ZNF283: variants seen among roughly 807,000 people sequenced by gnomAD.
The protein encoded by ZNF283 is zinc finger protein 283, also known as zinc finger protein 41.
Under a neutral mutation model 9.2 loss-of-function variants are expected in ZNF283, and 10 were observed. The observed-to-expected ratio is 1.09, with a 90% CI of 0.67 to 1.85. The LOEUF is 1.85. ZNF283 is among the 40% of genes most tolerant of loss of function. The pLI is 0.00. For synonymous variants in ZNF283, 234 were observed against 244.1 expected, an observed-to-expected ratio of 0.96 and a Z score of 0.38; for missense variants, 631 against 760.1, an observed-to-expected ratio of 0.83 and a Z score of 2.00.
chr19:43,836,560 C>G (rs1259677255), intron 5 of ZNF283, among the ~76,000 whole-genome samples: 1 of 152,162 alleles, frequency 6.6e-6, no homozygotes, highest in African/African-American at 2.4e-5. Flanking sequence ...AGGCTGGTCT[C>G]GAACTCCTGA....
Position 43,847,339 on chromosome 19 carries a change from T to A in ZNF283, c.738T>A (p.Ser246Arg), listed in dbSNP as rs371160256. Residue 246 changes from serine to arginine, a missense_variant, in exon 7 of 7, where the codon AGT (serine) becomes AGA (arginine). Coordinates refer to ENST00000618787, the MANE Select transcript of ZNF283 (RefSeq NM_181845.2). The part of the protein sequence containing the change: ...ECKECGKNYL[S>R]AYQLNVHQRF... ...AAGAATGTGGGAAGAATTATTTAAGTGCCTATCAACTCAATGTGCATCAGA... is the reference window on the plus strand; with the variant it reads ...AAGAATGTGGGAAGAATTATTTAAGAGCCTATCAACTCAATGTGCATCAGA... 1 of 1,613,752 alleles carries A rather than the reference T, an allele frequency of 6.2e-7. No homozygotes were observed. Among genetic ancestry groups the A allele is most frequent in the Non-Finnish European group, 8.5e-7 (1 of 1,179,934 alleles).
At chr19:43,837,965 G>A (rs910722327) in intron 6 of ZNF283, 5 of 152,338 alleles carry the variant, frequency 3.3e-5, no homozygotes, top group African/African-American at 1.2e-4. Context: ...GTTCTTGTTT[G>A]TGGAATTTGG....
intron 2 of ZNF283, among the ~76,000 whole-genome samples, chr19:43,829,107 C>T (rs1040567931): frequency 1.3e-5 from 2 of 152,142 alleles, no homozygotes; most frequent in Admixed American, 6.5e-5. Flanking sequence ...GCCCTGGGGT[C>T]GGGCACAGTG....
At chr19:43,846,556 G>A (rs1971407390) in intron 6 of ZNF283, among the ~76,000 whole-genome samples, 1 of 152,104 alleles carries the variant, frequency 6.6e-6, no homozygotes, top group Non-Finnish European at 1.5e-5. Flanking sequence ...AGACAAAAGA[G>A]TTGTTAGACA....
Position 43,848,290 on chromosome 19 carries a change from A to C in ZNF283, c.1689A>C (p.Lys563Asn). Reference sequence around the variant, plus strand: ...GCTATCACCTTACTCAACATCAGAAAATTCATACCGGTGAGAAACCTTTCA... The same window carrying C: ...GCTATCACCTTACTCAACATCAGAACATTCATACCGGTGAGAAACCTTTCA... ...SRGYHLTQHQ[K>N]IHTGEKPFKC... The change falls in exon 7 of 7, where the codon AAA becomes AAC. Residue 563 changes from lysine (K) to asparagine (N), a missense_variant. Lys to Asn is a moderately conservative substitution (Grantham distance 94, BLOSUM62 0). Transcript: ENST00000618787. 6.2e-7 allele frequency: 1 copy of C among 1,613,112 alleles called. No homozygotes were observed. Among genetic ancestry groups the C allele is most frequent in the Non-Finnish European group, 8.5e-7 (1 of 1,179,742 alleles).
At chr19:43,839,945 C>T (rs777499204) in intron 6 of ZNF283, among the ~76,000 whole-genome samples, 48 of 152,014 alleles carry the variant, frequency 3.2e-4, no homozygotes, top group South Asian at 1.5e-3. Flanking sequence ...TTCCTTTGAA[C>T]GGGCCCCATA....
rs1007407744 is a variant in ZNF283 at position 43,851,183 on chromosome 19, T to G, written c.*2542T>G. Reference sequence around the variant, plus strand: ...ACAGGATATATTATTGGTAACTGGCTATTATGCCACTCCCTCTGGGTGCCA... The same window carrying G: ...ACAGGATATATTATTGGTAACTGGCGATTATGCCACTCCCTCTGGGTGCCA... On this transcript the variant is annotated 3_prime_UTR_variant, in exon 7 of 7. Transcript: ENST00000618787. 5 of 152,172 alleles carry G rather than the reference T, an allele frequency of 3.3e-5. No individual in the cohort carries two copies. The highest frequency in any genetic ancestry group is 7.4e-5 in the Non-Finnish European group (5 of 68,026). The allele number at this position is 152,172 out of a possible 1,614,324, so 9.4% of individuals were successfully genotyped here.
chr19:43,838,997 T>C (rs1246526844), intron 6 of ZNF283, among the ~76,000 whole-genome samples: 1 of 152,248 alleles, frequency 6.6e-6, no homozygotes, highest in Non-Finnish European at 1.5e-5. Context: ...ACAATAATAC[T>C]AACTTTTATA....
At chr19:43,843,192 T>G (rs1232573097) in intron 6 of ZNF283, among the ~76,000 whole-genome samples, 1 of 152,104 alleles carries the variant, frequency 6.6e-6, no homozygotes, top group Non-Finnish European at 1.5e-5. Flanking sequence ...AATACAAAAA[T>G]TAGCTGAGCA....
At position 43,847,183 on chromosome 19, in the gene ZNF283, T is replaced by A; in HGVS notation, c.582T>A (p.Leu194=). ...CTTCTTACAGAAAAAGTAAATCTCTTACTCCACATCAAAGAATTCATAATA... is the reference window on the plus strand; with the variant it reads ...CTTCTTACAGAAAAAGTAAATCTCTAACTCCACATCAAAGAATTCATAATA... ...KIPSYRKSKS[L]TPHQRIHNTE... The change falls in exon 7 of 7, where the codon CTT becomes CTA. Residue 194 remains leucine (L), a synonymous_variant. Coordinates refer to ENST00000618787, the MANE Select transcript of ZNF283 (RefSeq NM_181845.2). 8 of 1,613,792 alleles carry A rather than the reference T, an allele frequency of 5.0e-6. No individual in the cohort carries two copies. The highest frequency in any genetic ancestry group is 6.8e-6 in the Non-Finnish European group (8 of 1,179,758).
At chr19:43,840,335 C>T (rs76395529) in intron 6 of ZNF283, among the ~76,000 whole-genome samples, 2,827 of 152,224 alleles carry the variant, frequency 0.019, 95 homozygotes, top group African/African-American at 0.065. Context: ...GTGCTGGTCC[C>T]TCAAGGTAAC....
At chr19:43,835,173 A>G (rs981156319) in intron 4 of ZNF283, among the ~76,000 whole-genome samples, 4 of 152,248 alleles carry the variant, frequency 2.6e-5, no homozygotes, top group Admixed American at 2.0e-4. Flanking sequence ...TGTTTTGACC[A>G]ACTTCCTTCA....
intron 2 of ZNF283, among the ~76,000 whole-genome samples, chr19:43,830,678 G>A (rs1970665254): frequency 6.6e-6 from 1 of 151,982 alleles, no homozygotes; most frequent in Non-Finnish European, 1.5e-5. Flanking sequence ...CGAGGCGGGT[G>A]GATCACTTGA....
At chr19:43,836,629 A>G (rs936592405) in intron 5 of ZNF283, among the ~76,000 whole-genome samples, 3 of 152,194 alleles carry the variant, frequency 2.0e-5, no homozygotes, top group African/African-American at 7.2e-5. Flanking sequence ...GGCATGAACC[A>G]TTGCACCTGG....
Position 43,848,841 on chromosome 19 carries a change from C to A in ZNF283, c.*200C>A. Reference sequence around the variant, plus strand: ...TAATTAATATGAAAAGGCCTTTAGACTTCTGTACAGTCTTATTGGATATCA... The same window carrying A: ...TAATTAATATGAAAAGGCCTTTAGAATTCTGTACAGTCTTATTGGATATCA... On this transcript the variant is annotated 3_prime_UTR_variant, in exon 7 of 7. Transcript: ENST00000618787. 1 of 461,452 alleles carries A rather than the reference C, an allele frequency of 2.2e-6. No individual in the cohort carries two copies. Among genetic ancestry groups the A allele is most frequent in the Non-Finnish European group, 3.8e-6 (1 of 265,896 alleles). The allele number at this position is 461,452 out of a possible 1,614,324, so 28.6% of individuals were successfully genotyped here.
chr19:43,846,852 T>C, intron 6 of ZNF283, 87 bp from the exon 7 acceptor site: 1 of 1,021,826 alleles, frequency 9.8e-7, no homozygotes, highest in South Asian at 2.0e-5. Context: ...GTAAGTCTCC[T>C]AATTTGTCTT....
intron 4 of ZNF283, among the ~76,000 whole-genome samples, chr19:43,834,081 G>T (rs993179832): frequency 6.6e-6 from 1 of 152,132 alleles, no homozygotes; most frequent in Non-Finnish European, 1.5e-5. Context: ...ATTCTGTAAG[G>T]TTTATACTTT....
In ZNF283 at chr19:43,847,683, A is replaced by G; in HGVS notation, c.1082A>G (p.Gln361Arg). ...GGGAAGGCCTTCAGTCGTGGCTATC[A>G]GCTTACTCAGCATCAGAAAATCCAT... ...ECGKAFSRGY[Q>R]LTQHQKIHTG... The change falls in exon 7 of 7, where the codon CAG becomes CGG. Residue 361 changes from glutamine to arginine, a missense_variant. By Grantham distance (43) the Gln-to-Arg change is conservative. Around this residue, in one of 3 missense-constraint regions of ZNF283, gnomAD observed 444 missense variants for 522.5 expected, o/e 0.85. Transcript: ENST00000618787. The G allele has an allele frequency of 6.2e-7, 1 of 1,613,512 alleles. No individual in the cohort carries two copies. The highest frequency in any genetic ancestry group is 1.3e-5 in the African/African-American group (1 of 74,990).
At position 43,836,834 on chromosome 19, in the gene ZNF283, G is replaced by A. The variant is rs185606280; in HGVS notation, c.211-219G>A. Among the ~76,000 whole-genome samples, 153 of 152,264 alleles carry A rather than the reference G, an allele frequency of 1.0e-3. 1 individual carries two copies. The highest frequency in any genetic ancestry group is 3.4e-3 in the African/African-American group (140 of 41,536). ...ATAGCTGAGTTATCTCACAGTATCC[G>A]GGAAGTTTTTTCTGCTATAACAAGA... is the stretch of plus-strand genomic sequence containing the variant. On this transcript the variant is annotated intron_variant, in intron 5 of 6. Transcript: ENST00000618787.
Sources: allele counts gnomAD v4.1 joint callset (sites outside exome capture counted in the v4.1 genomes callset), GRCh38; gene constraint gnomAD v4.1.1; regional missense constraint gnomAD v4.1.1; transcripts MANE v1.5; gene names NCBI Gene and HGNC (gene_info 2026-07-23, HGNC 2026-07-21).